EXOC6B: variants seen among roughly 807,000 people sequenced by gnomAD.
EXOC6B encodes the protein SEC15 homolog B.
Under a neutral mutation model 113.5 loss-of-function variants are expected in EXOC6B, and 54 were observed. That is an observed-to-expected ratio of 0.48 (90% CI 0.38 to 0.60). The LOEUF is 0.60. EXOC6B is among the 20% of genes least tolerant of loss of function. The pLI, the probability that EXOC6B is intolerant of heterozygous loss-of-function variation, is 0.00. For synonymous variants in EXOC6B, 357 were observed against 339.0 expected, an observed-to-expected ratio of 1.05 and a Z score of -0.58; for missense variants, 797 against 977.5, an observed-to-expected ratio of 0.82 and a Z score of 2.46.
chr2:72,594,813 C>T (rs996584591), intron 6 of EXOC6B, among the ~76,000 whole-genome samples: 1 of 152,028 alleles, frequency 6.6e-6, no homozygotes, highest in Non-Finnish European at 1.5e-5. Flanking sequence ...AAATTTAAAA[C>T]CAAAGTTTTC....
At chr2:72,303,973 T>C (rs1686685243) in intron 20 of EXOC6B, among the ~76,000 whole-genome samples, 1 of 152,056 alleles carries the variant, frequency 6.6e-6, no homozygotes, top group Non-Finnish European at 1.5e-5. Context: ...GTGAGGTGAG[T>C]GTTCTGTGCT....
At chr2:72,383,268 A>G (rs1348314761) in intron 18 of EXOC6B, among the ~76,000 whole-genome samples, 1 of 152,134 alleles carries the variant, frequency 6.6e-6, no homozygotes, top group African/African-American at 2.4e-5. Flanking sequence ...GATGTCCACA[A>G]TCTATAAGGA....
rs139883780 is a variant in EXOC6B, at chr2:72,700,636, T to C, written c.669+17467A>G. Among the ~76,000 whole-genome samples, 721 of 152,338 alleles carry C rather than the reference T, an allele frequency of 4.7e-3. 6 individuals carry two copies. Among genetic ancestry groups the C allele is most frequent in the South Asian group, 8.3e-3 (40 of 4,830 alleles). ...GTTGACGACTGCACAACCATGTGAA[T>C]GTTCTTAAAGCCACATAACTGTATA... On this transcript the variant is annotated intron_variant, in intron 6 of 21. Coordinates refer to ENST00000272427, the MANE Select transcript of EXOC6B (RefSeq NM_015189.3).
intron 8 of EXOC6B, among the ~76,000 whole-genome samples, chr2:72,525,274 A>C (rs891923881): frequency 1.3e-5 from 2 of 152,214 alleles, no homozygotes; most frequent in Non-Finnish European, 2.9e-5. Context: ...TTTAACAAAG[A>C]GTCTTTTATT....
At chr2:72,393,949 T>C (rs1200811150) in intron 18 of EXOC6B, among the ~76,000 whole-genome samples, 1 of 152,164 alleles carries the variant, frequency 6.6e-6, no homozygotes. Flanking sequence ...AAATTACAGA[T>C]GTGTGGTTTA....
intron 6 of EXOC6B, among the ~76,000 whole-genome samples, chr2:72,652,738 C>A (rs1573560549): frequency 1.4e-5 from 2 of 147,384 alleles, no homozygotes; most frequent in Non-Finnish European, 3.0e-5. Context: ...TATAATTATA[C>A]TCTATATCTA....
chr2:72,222,143 T>C (rs1680909086), intron 20 of EXOC6B, among the ~76,000 whole-genome samples: 1 of 152,234 alleles, frequency 6.6e-6, no homozygotes, highest in Non-Finnish European at 1.5e-5. Flanking sequence ...TTTAAACATG[T>C]ACAACTTCTG....
intron 6 of EXOC6B, among the ~76,000 whole-genome samples, chr2:72,576,785 T>C (rs1704891110): frequency 6.6e-6 from 1 of 152,148 alleles, no homozygotes; most frequent in Non-Finnish European, 1.5e-5. Flanking sequence ...CCAAAAACAT[T>C]TCCCAAGAGA....
At chr2:72,532,737 G>A (rs1347611415) in intron 8 of EXOC6B, among the ~76,000 whole-genome samples, 1 of 152,132 alleles carries the variant, frequency 6.6e-6, no homozygotes, top group Non-Finnish European at 1.5e-5. Context: ...GGACCCAGGA[G>A]GCGGAGGTTG....
chr2:72,432,643 T>C (rs1241124951), intron 18 of EXOC6B, among the ~76,000 whole-genome samples: 2 of 152,206 alleles, frequency 1.3e-5, no homozygotes, highest in Admixed American at 6.5e-5. Flanking sequence ...TAGTATCTCA[T>C]TGTGGTTTTC....
chr2:72,553,543 T>C (rs1703358880), intron 8 of EXOC6B, among the ~76,000 whole-genome samples: 1 of 152,016 alleles, frequency 6.6e-6, no homozygotes, highest in Non-Finnish European at 1.5e-5. Flanking sequence ...ATCTATATTT[T>C]GATATATTAT....
chr2:72,823,483 A>C (rs1251767613), intron 1 of EXOC6B, among the ~76,000 whole-genome samples: 11 of 138,276 alleles, frequency 8.0e-5, no homozygotes, highest in African/African-American at 2.2e-4. Context: ...AAAAAACAAA[A>C]AACAAAAAAA....
chr2:72,640,253 G>T (rs943543303), intron 6 of EXOC6B, among the ~76,000 whole-genome samples: 5 of 152,066 alleles, frequency 3.3e-5, no homozygotes, highest in African/African-American at 1.2e-4. Context: ...AATGAACTAA[G>T]CAGAGGAAAG....
At chr2:72,224,524 A>C (rs1444795028) in intron 20 of EXOC6B, among the ~76,000 whole-genome samples, 1 of 152,218 alleles carries the variant, frequency 6.6e-6, no homozygotes, top group Non-Finnish European at 1.5e-5. Flanking sequence ...AGTAGGGTAC[A>C]AGTACTCTTT....
Position 72,825,626 on chromosome 2 carries a change from G to T in EXOC6B, c.113+172C>A, listed in dbSNP as rs541320356. Reference sequence around the variant, plus strand: ...TCACTGGGCTGTAGGGCGCCGGGAAGGGACCCCGCGTCGGGGCTGCGAAGG... The same window carrying T: ...TCACTGGGCTGTAGGGCGCCGGGAATGGACCCCGCGTCGGGGCTGCGAAGG... On this transcript the variant is annotated intron_variant, in intron 1 of 21. Coordinates refer to ENST00000272427, the MANE Select transcript of EXOC6B (RefSeq NM_015189.3). This position sits in a 1 kb window ranked among gnomAD's most constrained non-coding sequence, Gnocchi z 4.4. Among the ~76,000 whole-genome samples, 1 of 152,326 alleles carries T rather than the reference G, an allele frequency of 6.6e-6. No homozygotes were observed. Among genetic ancestry groups the T allele is most frequent in the Admixed American group, 6.5e-5 (1 of 15,312 alleles).
chr2:72,486,684 C>T (rs1047673344), intron 16 of EXOC6B, among the ~76,000 whole-genome samples: 1 of 152,118 alleles, frequency 6.6e-6, no homozygotes, highest in African/African-American at 2.4e-5. Context: ...TTACCTGTTA[C>T]CAGAGGTGAA....
chr2:72,290,703 C>T (rs911260111), intron 20 of EXOC6B, among the ~76,000 whole-genome samples: 2 of 151,444 alleles, frequency 1.3e-5, no homozygotes, highest in Non-Finnish European at 2.9e-5. Flanking sequence ...TATAAAAAAA[C>T]GTTTTTAATA....
intron 11 of EXOC6B, among the ~76,000 whole-genome samples, chr2:72,507,410 T>C (rs565576175): frequency 6.6e-6 from 1 of 152,222 alleles, no homozygotes; most frequent in Non-Finnish European, 1.5e-5. Context: ...CCATACCATA[T>C]AACTCACCCA....
chr2:72,700,237 A>AACACAC (rs3034948), intron 6 of EXOC6B, among the ~76,000 whole-genome samples: 71,311 of 142,222 alleles, frequency 0.5, 20,181 homozygotes, highest in East Asian at 0.8. Flanking sequence ...AGACCACAGA[A>AACACAC]ACACACACAC....
Sources: allele counts gnomAD v4.1 joint callset (sites outside exome capture counted in the v4.1 genomes callset), GRCh38; gene constraint gnomAD v4.1.1; non-coding constraint Gnocchi (gnomAD v3.1); transcripts MANE v1.5; gene names NCBI Gene and HGNC (gene_info 2026-07-23, HGNC 2026-07-21).